ABCA12: variants seen among roughly 807,000 people sequenced by gnomAD.
ABCA12 encodes ATP binding cassette subfamily A member 12.
ABCA12 carries 156 observed loss-of-function variants against 293.5 expected under a neutral mutation model. That is an observed-to-expected ratio of 0.53 (90% CI 0.47 to 0.61). The LOEUF (loss-of-function observed/expected upper bound fraction) is 0.61, where lower values mean the gene tolerates loss of function less well. Among genes scored for constraint, ABCA12 ranks in the 20% least tolerant of loss-of-function variants. The pLI is 0.00. For missense variants in ABCA12, 2,797 were observed against 3,090.2 expected (o/e 0.91, Z 2.25); for synonymous variants, 1,063 against 1,108.0 (o/e 0.96, Z 0.81).
At chr2:215,121,261 A>C (rs995310209) in intron 1 of ABCA12, among the ~76,000 whole-genome samples, 2 of 152,172 alleles carry the variant, frequency 1.3e-5, no homozygotes, top group African/African-American at 4.8e-5. Flanking sequence ...TACAAAATGG[A>C]TTACTGGCTG....
intron 47 of ABCA12, 45 bp downstream of exon 47, chr2:214,948,551 A>T (rs768671027): frequency 6.2e-7 from 1 of 1,608,238 alleles, no homozygotes; most frequent in South Asian, 1.1e-5. Flanking sequence ...GGAAGTAGAA[A>T]CAATAATGGT....
chr2:215,117,681 C>A (rs1321568696), intron 1 of ABCA12, among the ~76,000 whole-genome samples: 1 of 152,032 alleles, frequency 6.6e-6, no homozygotes, highest in Non-Finnish European at 1.5e-5. Context: ...TTTTTGTCTA[C>A]CATTGTTATT....
intron 1 of ABCA12, among the ~76,000 whole-genome samples, chr2:215,127,203 A>G (rs529072115): frequency 6.6e-6 from 1 of 152,176 alleles, no homozygotes; most frequent in Admixed American, 6.5e-5. Flanking sequence ...AGCTTGTTTT[A>G]TGGCTTATCA....
chr2:215,125,759 C>G (rs1444084880), intron 1 of ABCA12, among the ~76,000 whole-genome samples: 1 of 152,102 alleles, frequency 6.6e-6, no homozygotes, highest in Admixed American at 6.6e-5. Flanking sequence ...GTTTGACTTC[C>G]TCTTTACTGG....
Position 214,955,290 on chromosome 2 carries a change from T to A in ABCA12, c.6305A>T (p.Tyr2102Phe), listed in dbSNP as rs770806176. Residue 2102 changes from tyrosine to phenylalanine, a missense_variant, in exon 43 of 53, where the codon TAC becomes TTC. By Grantham distance (22) the Tyr-to-Phe change is conservative (BLOSUM62 3). This residue lies in a region of ABCA12 where 2,130 missense variants were observed against 2,427.0 expected (regional missense o/e 0.88). Coordinates refer to ENST00000272895, the MANE Select transcript of ABCA12 (RefSeq NM_173076.3). Reference sequence around the variant, plus strand: ...GCCAAAAAACAAGTTGACACAGACGTAAGTGATGAAGGCCATTCCTGTTTC... The same window carrying A: ...GCCAAAAAACAAGTTGACACAGACGAAAGTGATGAAGGCCATTCCTGTTTC... The part of the protein sequence containing the change: ...FHETGMAFIT[Y>F]VCVNLFFGIN... 8.9e-5 allele frequency: 144 copies of A among 1,613,984 alleles called. No homozygotes were observed. Among genetic ancestry groups the A allele is most frequent in the Non-Finnish European group, 1.2e-4 (141 of 1,179,982 alleles).
intron 13 of ABCA12, among the ~76,000 whole-genome samples, chr2:215,018,968 G>A (rs548255092): frequency 2.0e-5 from 3 of 152,186 alleles, no homozygotes; most frequent in Non-Finnish European, 4.4e-5. Context: ...GTAGACAACA[G>A]TGCATCCTTT....
chr2:214,935,061 C>T (rs911477848), intron 51 of ABCA12, among the ~76,000 whole-genome samples: 5 of 152,140 alleles, frequency 3.3e-5, no homozygotes, highest in African/African-American at 9.7e-5. Context: ...ACCCCTGTGA[C>T]GCCAGTGCAT....
At chr2:215,063,465 GA>G in intron 3 of ABCA12, among the ~76,000 whole-genome samples, 1 of 152,062 alleles carries the variant, frequency 6.6e-6, no homozygotes, top group South Asian at 2.1e-4. Context: ...AAGGAAAATT[GA>G]AGTTGTAAAT....
rs1330377708 is a variant in ABCA12 at position 215,026,869 on chromosome 2, G to A, written c.1131C>T (p.Tyr377=). ...CAGTCACATTTCTCACACATGCCAAGTAAGGAATATAAGGACTATTTGCTG... is the reference window on the plus strand; with the variant it reads ...CAGTCACATTTCTCACACATGCCAAATAAGGAATATAAGGACTATTTGCTG... ...NISANSPYIP[Y]LACVRNVTDS... Residue 377 remains tyrosine, a synonymous_variant, in exon 10 of 53, where the codon TAC becomes TAT. Transcript: ENST00000272895. 1 of 1,613,758 alleles carries A rather than the reference G, an allele frequency of 6.2e-7. No individual in the cohort carries two copies. Among genetic ancestry groups the A allele is most frequent in the Middle Eastern group, 1.6e-4 (1 of 6,062 alleles).
chr2:215,035,021 G>C (rs1012091725), intron 8 of ABCA12, among the ~76,000 whole-genome samples: 2 of 152,182 alleles, frequency 1.3e-5, no homozygotes, highest in African/African-American at 4.8e-5. Context: ...CTAAGAATGA[G>C]GTGGCCTGGG....
chr2:215,014,732 C>T (rs1035063053), intron 15 of ABCA12, among the ~76,000 whole-genome samples: 15 of 152,150 alleles, frequency 9.9e-5, no homozygotes, highest in Admixed American at 7.9e-4. Flanking sequence ...TATAACTAGT[C>T]CAAAACATTT....
intron 2 of ABCA12, among the ~76,000 whole-genome samples, chr2:215,106,779 T>C (rs1232914065): frequency 7.0e-6 from 1 of 143,382 alleles, no homozygotes; most frequent in Non-Finnish European, 1.5e-5. Flanking sequence ...AGGCTGAAAA[T>C]GTTGGACGTT....
intron 50 of ABCA12, among the ~76,000 whole-genome samples, chr2:214,941,445 T>C (rs147005044): frequency 0.035 from 5,294 of 152,272 alleles, 294 homozygotes; most frequent in African/African-American, 0.12. Flanking sequence ...GGTGGAGAGT[T>C]CTATAGATGT....
intron 15 of ABCA12, among the ~76,000 whole-genome samples, chr2:215,013,902 G>A (rs996068469): frequency 4.6e-5 from 7 of 152,238 alleles, no homozygotes; most frequent in Admixed American, 1.3e-4. Flanking sequence ...AAAAATGGGC[G>A]AAGCACGATG....
intron 39 of ABCA12, chr2:214,962,023 A>G (rs1699127275): frequency 6.6e-6 from 1 of 152,184 alleles, no homozygotes; most frequent in African/African-American, 2.4e-5. Flanking sequence ...TTCCTACTTA[A>G]TAGACTATTA....
chr2:215,031,738 G>A, intron 9 of ABCA12, 83 bp downstream of exon 9: 1 of 1,533,200 alleles, frequency 6.5e-7, no homozygotes, highest in South Asian at 1.1e-5. Flanking sequence ...TATATACACT[G>A]ATAAGCGAAT....
chr2:215,101,707 G>A (rs1203316816), intron 2 of ABCA12, among the ~76,000 whole-genome samples: 1 of 152,134 alleles, frequency 6.6e-6, no homozygotes, highest in African/African-American at 2.4e-5. Context: ...ATAGTACAAA[G>A]AGTAATTCTC....
intron 36 of ABCA12, 100 bp downstream of exon 36, chr2:214,973,849 G>A: frequency 9.7e-7 from 1 of 1,036,190 alleles, no homozygotes. Flanking sequence ...TCCATAAAAT[G>A]AACTTATACT....
At chr2:214,945,856 G>T (rs574450718) in intron 48 of ABCA12, among the ~76,000 whole-genome samples, 1 of 152,104 alleles carries the variant, frequency 6.6e-6, no homozygotes, top group African/African-American at 2.4e-5. Flanking sequence ...AAAGGAATGG[G>T]TTATGTGGAA....
Sources: gnomAD v4.1 joint callset for allele counts (sites outside exome capture counted in the v4.1 genomes callset) on GRCh38, gnomAD v4.1.1 for gene constraint, gnomAD v4.1.1 regional missense constraint, MANE v1.5 for transcripts, NCBI Gene and HGNC (gene_info 2026-07-23, HGNC 2026-07-21) for gene names.